Variants in TMCO5A observed in about 807,000 individuals in gnomAD.
The protein encoded by TMCO5A is transmembrane and coiled-coil domains 5A, also known as transmembrane and coiled-coil domain-containing protein 5A.
TMCO5A carries 34 observed loss-of-function variants against 42.3 expected under a neutral mutation model. The observed-to-expected ratio is 0.80, with a 90% confidence interval of 0.61 to 1.07. TMCO5A has a LOEUF of 1.07. TMCO5A is among the 50% of genes least tolerant of loss of function. The pLI is 0.00. For missense variants in TMCO5A, 357 were observed against 327.9 expected, an observed-to-expected ratio of 1.09 and a Z score of -0.69; for synonymous variants, 131 against 115.6, an observed-to-expected ratio of 1.13 and a Z score of -0.86.
At chr15:38,019,745 C>A in the TMCO5A span, among the ~76,000 whole-genome samples, 2 of 151,746 alleles carry the variant, frequency 1.3e-5, no homozygotes, top group African/African-American at 4.8e-5. Flanking sequence ...GTAGCTGGGA[C>A]TACAGGCAGT....
chr15:38,026,772 T>C, the TMCO5A span, among the ~76,000 whole-genome samples: 1 of 152,296 alleles, frequency 6.6e-6, no homozygotes, highest in East Asian at 1.9e-4. Flanking sequence ...GTGTGCAGCC[T>C]AGGGACTTGT....
intron 1 of TMCO5A, 85 bp downstream of exon 1, chr15:37,934,779 G>C (rs933397175): frequency 3.3e-5 from 5 of 152,114 alleles, no homozygotes; most frequent in African/African-American, 4.8e-5. Context: ...TTGGTTTTCT[G>C]AGCCCTCTTT....
At chr15:37,965,498 C>A (rs1202883570) in intron 11 of TMCO5A, among the ~76,000 whole-genome samples, 1 of 152,128 alleles carries the variant, frequency 6.6e-6, no homozygotes, top group Non-Finnish European at 1.5e-5. Flanking sequence ...AAAATATTTG[C>A]AAACTACTCT....
At chr15:38,040,203 G>A in the TMCO5A span, 1 of 152,314 alleles carries the variant, frequency 6.6e-6, no homozygotes, top group Non-Finnish European at 1.5e-5. Flanking sequence ...GCAAGTTACA[G>A]TCCCCACCCA....
chr15:37,988,027 T>A, the TMCO5A span, among the ~76,000 whole-genome samples: 1 of 152,048 alleles, frequency 6.6e-6, no homozygotes, highest in East Asian at 1.9e-4. Flanking sequence ...TATTCTTTAA[T>A]TTATTTCAGC....
At chr15:37,997,524 T>C in the TMCO5A span, among the ~76,000 whole-genome samples, 1 of 152,204 alleles carries the variant, frequency 6.6e-6, no homozygotes, top group African/African-American at 2.4e-5. Flanking sequence ...ACCCATGTTA[T>C]TGCAAATGAC....
the TMCO5A span, among the ~76,000 whole-genome samples, chr15:38,027,669 G>A: frequency 0.18 from 28,042 of 151,954 alleles, 2,751 homozygotes; most frequent in South Asian, 0.32. Context: ...GTTTGGCTCT[G>A]TCTCCCCACC....
intron 8 of TMCO5A, 79 bp from the exon 9 acceptor site, chr15:37,942,112 A>G (rs1202288125): frequency 1.9e-5 from 26 of 1,337,688 alleles, no homozygotes; most frequent in Non-Finnish European, 2.6e-5. Flanking sequence ...GTATCATGTA[A>G]TAACAAGTGC....
In TMCO5A at chr15:37,937,411, T is replaced by C. The variant is rs1889558696; in HGVS notation, c.315+15T>C. ...TTCAACAAAAGGTGAGGTAGGGTAC[T>C]TGTGTTCTCCAGTGCCCCCACAACA... On this transcript the variant is annotated intron_variant, in intron 5 of 11. Coordinates refer to ENST00000319669, the MANE Select transcript of TMCO5A (RefSeq NM_152453.4). 6 of 1,612,856 alleles carry C rather than the reference T, an allele frequency of 3.7e-6. No homozygotes were observed. Among genetic ancestry groups the C allele is most frequent in the Non-Finnish European group, 4.2e-6 (5 of 1,179,212 alleles).
chr15:37,971,471 A>C (rs1890672624), downstream of TMCO5A, among the ~76,000 whole-genome samples: 1 of 152,190 alleles, frequency 6.6e-6, no homozygotes, highest in African/African-American at 2.4e-5. Flanking sequence ...ATGCTTAGAG[A>C]CATTTTCCCC....
At chr15:37,978,062 C>T in the TMCO5A span, among the ~76,000 whole-genome samples, 2 of 152,158 alleles carry the variant, frequency 1.3e-5, no homozygotes, top group Non-Finnish European at 2.9e-5. Flanking sequence ...GGCAGAGGTG[C>T]TTTCAGTTGC....
At chr15:37,992,423 T>A in the TMCO5A span, among the ~76,000 whole-genome samples, 3 of 152,270 alleles carry the variant, frequency 2.0e-5, no homozygotes, top group Non-Finnish European at 4.4e-5. Flanking sequence ...TCCACCGTTG[T>A]GGAAAGCAGA....
the TMCO5A span, chr15:38,004,901 T>C: frequency 6.6e-6 from 1 of 152,192 alleles, no homozygotes; most frequent in Admixed American, 6.5e-5. Context: ...TAATTTGTTG[T>C]TCCTCTGGGG....
the TMCO5A span, among the ~76,000 whole-genome samples, chr15:37,987,464 T>C: frequency 0.014 from 2,136 of 152,022 alleles, 45 homozygotes; most frequent in African/African-American, 0.048. Context: ...AATTGCCAAA[T>C]CTAGTGTTAT....
intron 11 of TMCO5A, chr15:37,966,486 C>A (rs1890559256): frequency 1.5e-6 from 1 of 666,282 alleles, no homozygotes; most frequent in East Asian, 2.7e-5. Context: ...ATCTCATATA[C>A]CCCATAAATA....
the TMCO5A span, among the ~76,000 whole-genome samples, chr15:37,998,465 C>T: frequency 6.6e-6 from 1 of 151,876 alleles, no homozygotes; most frequent in South Asian, 2.1e-4. Flanking sequence ...TGTCTTTTAC[C>T]CTCTGTGTGT....
the TMCO5A span, among the ~76,000 whole-genome samples, chr15:37,983,727 T>TG: frequency 2.7e-4 from 41 of 150,372 alleles, no homozygotes; most frequent in African/African-American, 4.7e-4. Context: ...CTGTTTTTTT[T>TG]TTTGTTTTTT....
chr15:37,940,298 G>A (rs913578092), intron 6 of TMCO5A, among the ~76,000 whole-genome samples: 1 of 152,066 alleles, frequency 6.6e-6, no homozygotes, highest in African/African-American at 2.4e-5. Flanking sequence ...ATCCCACCCT[G>A]TCTCGGCCCT....
the TMCO5A span, among the ~76,000 whole-genome samples, chr15:37,987,927 A>G: frequency 7.6e-4 from 115 of 152,116 alleles, no homozygotes; most frequent in African/African-American, 2.7e-3. Context: ...TAGGCATTGC[A>G]CTGAATTTGT....
Sources: allele counts gnomAD v4.1 joint callset (sites outside exome capture counted in the v4.1 genomes callset), GRCh38; gene constraint gnomAD v4.1.1; transcripts MANE v1.5; gene names NCBI Gene and HGNC (gene_info 2026-07-23, HGNC 2026-07-21).